Variants in BANP observed in about 807,000 individuals in gnomAD.
BANP encodes the protein BTG3 associated nuclear protein.
Under a neutral mutation model 68.1 loss-of-function variants are expected in BANP, and 11 were observed. The observed-to-expected ratio is 0.16, with a 90% CI of 0.10 to 0.27. The LOEUF is 0.27. BANP is among the 10% of genes least tolerant of loss of function. The pLI, the probability that BANP is intolerant of heterozygous loss-of-function variation, is 1.00. For missense variants in BANP, 504 were observed against 722.7 expected (o/e 0.70, Z 3.47); for synonymous variants, 329 against 303.2 (o/e 1.09, Z -0.88).
chr16:88,019,544 G>A (rs1161106313), intron 7 of BANP, among the ~76,000 whole-genome samples: 7 of 142,240 alleles, frequency 4.9e-5, no homozygotes, highest in African/African-American at 1.8e-4. Flanking sequence ...CATGCCGGGG[G>A]CGTCCGGGAT....
intron 1 of BANP, among the ~76,000 whole-genome samples, chr16:87,965,932 A>C (rs933629837): frequency 6.6e-6 from 1 of 152,074 alleles, no homozygotes; most frequent in Non-Finnish European, 1.5e-5. Flanking sequence ...GTGCAGTTGG[A>C]GCGTCCCTGC....
chr16:87,954,609 C>T (rs1480237642), intron 1 of BANP, among the ~76,000 whole-genome samples: 2 of 152,206 alleles, frequency 1.3e-5, no homozygotes, highest in Non-Finnish European at 2.9e-5. Flanking sequence ...AGGAAGGCCC[C>T]TTTGCTGGCC....
chr16:88,060,175 G>A lies in BANP; in HGVS notation c.1312-5092G>A, dbSNP rs1311446929. Among the ~76,000 whole-genome samples the A allele has an allele frequency of 6.6e-5, 10 of 152,270 alleles. No homozygotes were observed. In the South Asian group the frequency reaches 1.4e-3, roughly 22 times the overall value. ...CACCAGCACATAGCAACCACCTGTC[G>A]GCACGAGTGGCAAGGCCGTATGTTT... On this transcript the variant is annotated intron_variant, in intron 11 of 13. Coordinates refer to ENST00000682872, the MANE Select transcript of BANP (RefSeq NM_001386991.1).
At position 88,076,680 on chromosome 16, in the gene BANP, G is replaced by C. The variant is rs748935001; in HGVS notation, c.*19G>C. 6.3e-7 allele frequency: 1 copy of C among 1,599,510 alleles called. No individual in the cohort carries two copies. Among genetic ancestry groups the C allele is most frequent in the Admixed American group, 1.7e-5 (1 of 59,612 alleles). On this transcript the variant is annotated 3_prime_UTR_variant, in exon 14 of 14. Transcript: ENST00000682872. ...TCAGTGAGCGGTGCCCATGGCACCAGGAGCCCCTCGCCGGCTCCGCCTACG... is the reference window on the plus strand; with the variant it reads ...TCAGTGAGCGGTGCCCATGGCACCACGAGCCCCTCGCCGGCTCCGCCTACG...
rs1165901394 is a variant in BANP at position 87,968,495 on chromosome 16, A to AAAG, written c.-68-6551_-68-6550insGAA. 2.6e-5 allele frequency among the ~76,000 whole-genome samples: 4 copies of AAAG among 151,762 alleles called. 1 individual carries two copies. Among genetic ancestry groups the AAAG allele is most frequent in the African/African-American group, 9.7e-5 (4 of 41,266 alleles). On this transcript the variant is annotated intron_variant, in intron 1 of 13. Coordinates refer to ENST00000682872, the MANE Select transcript of BANP (RefSeq NM_001386991.1). ...GTGAAACTCTGTCTCAAAAAAAAAA[A>AAAG]AAATAAGTTTAGTTTATCCCTTTAA...
rs72818554 is a variant in BANP at position 88,057,649 on chromosome 16, A to C, written c.1312-7618A>C. Among the ~76,000 whole-genome samples the C allele has an allele frequency of 6.6e-6, 1 of 150,618 alleles. No individual in the cohort carries two copies. The highest frequency in any genetic ancestry group is 1.5e-5 in the Non-Finnish European group (1 of 67,788). On this transcript the variant is annotated intron_variant, in intron 11 of 13. Coordinates refer to ENST00000682872, the MANE Select transcript of BANP (RefSeq NM_001386991.1). The surrounding 1 kb of genome is among the most constrained non-coding windows in gnomAD (Gnocchi z 4.6). ...GTTCTTCACACCCTTCATGTTGGCA[A>C]TGTTTGGGTCCTGGTTCTTACATCC...
At chr16:87,983,913 C>T (rs3815818) in intron 3 of BANP, 147 bp from the exon 4 acceptor site, 25 of 1,267,328 alleles carry the variant, frequency 2.0e-5, no homozygotes, top group East Asian at 2.6e-5. Flanking sequence ...GTTTCTGGCT[C>T]ATAGCTCACG....
In BANP at chr16:88,071,762, T is replaced by C; in HGVS notation, c.1378-307T>C. 1 of 614,160 alleles carries C rather than the reference T, an allele frequency of 1.6e-6. No homozygotes were observed. Among genetic ancestry groups the C allele is most frequent in the Non-Finnish European group, 3.0e-6 (1 of 328,160 alleles). 38.0% of individuals were successfully genotyped at this position (614,160 alleles called of 1,614,324 possible). On this transcript the variant is annotated intron_variant, in intron 12 of 13. Transcript: ENST00000682872. This position sits in a 1 kb window ranked among gnomAD's most constrained non-coding sequence, Gnocchi z 6.5. ...GGCTCTGTGGCATTTGCTGTTGCTC[T>C]CTTTTTCTGTGGAAGCTCTGCCTTG...
rs143709693 is a variant in BANP, at chr16:87,984,321, C to T, written c.362+62C>T. ...CTTGGGGAGAAGCGCGTCACCTCCT[C>T]GCCCAGGCCCGCAGCTTAGTGGCTC... On this transcript the variant is annotated intron_variant, in intron 4 of 13. Coordinates refer to ENST00000682872, the MANE Select transcript of BANP (RefSeq NM_001386991.1). The T allele has an allele frequency of 1.6e-3, 2,221 of 1,387,238 alleles. 27 individuals carry two copies. The African/African-American group carries it at 0.027, about 17-fold the overall frequency. 85.9% of individuals were successfully genotyped at this position (1,387,238 alleles called of 1,614,324 possible). A position where few individuals can be genotyped will look rare whatever the true frequency, so the allele number is the denominator to read the frequency against.
intron 4 of BANP, among the ~76,000 whole-genome samples, chr16:87,991,796 T>A (rs536975114): frequency 9.3e-4 from 142 of 152,364 alleles, no homozygotes; most frequent in South Asian, 2.1e-3. Context: ...AGGATTTTTT[T>A]AAAATATGCA....
rs139396348 is a variant in BANP, at chr16:88,065,634, A to C, written c.1377+302A>C. On this transcript the variant is annotated intron_variant, in intron 12 of 13. Transcript: ENST00000682872. ...AAGACACAACAGGAACGGGGGAAGA[A>C]TTTCTCGCCATCTTTTGTTCAGAAA... Among the ~76,000 whole-genome samples, 516 of 152,244 alleles carry C rather than the reference A, an allele frequency of 3.4e-3. 4 individuals carry two copies. Among genetic ancestry groups the C allele is most frequent in the African/African-American group, 0.012 (493 of 41,564 alleles).
chr16:87,956,313 TTGAA>T (rs2058043995), intron 1 of BANP, among the ~76,000 whole-genome samples: 1 of 152,268 alleles, frequency 6.6e-6, no homozygotes, highest in South Asian at 2.1e-4. Flanking sequence ...ATTTGAGGGT[TTGAA>T]TGAGAATGAG....
At chr16:88,039,971 A>G (rs920599022) in intron 11 of BANP, among the ~76,000 whole-genome samples, 8 of 152,212 alleles carry the variant, frequency 5.3e-5, no homozygotes, top group Non-Finnish European at 1.2e-4. Flanking sequence ...TTTTATGTGA[A>G]ACAAATAATA....
intron 1 of BANP, among the ~76,000 whole-genome samples, chr16:87,961,269 C>T (rs2059069932): frequency 6.6e-6 from 1 of 152,212 alleles, no homozygotes; most frequent in Non-Finnish European, 1.5e-5. Context: ...TCTGAAGAGC[C>T]TATTAAGATA....
chr16:88,005,515 C>T (rs778339728), intron 5 of BANP, among the ~76,000 whole-genome samples: 5 of 152,160 alleles, frequency 3.3e-5, no homozygotes, highest in Non-Finnish European at 7.3e-5. Context: ...GAGGTGGCCT[C>T]GCCCTGCTTT....
chr16:87,978,793 G>C (rs1598027147), intron 2 of BANP: 1 of 376,716 alleles, frequency 2.7e-6, no homozygotes, highest in African/African-American at 2.1e-5. Flanking sequence ...CTAAGTGATA[G>C]AACCCCAACC....
intron 13 of BANP, among the ~76,000 whole-genome samples, chr16:88,073,069 C>T (rs73235263): frequency 6.6e-6 from 1 of 152,232 alleles, no homozygotes; most frequent in Non-Finnish European, 1.5e-5. Flanking sequence ...GTCTGAGCAG[C>T]CTTTCCCTGC....
Position 87,957,183 on chromosome 16 carries a change from G to A in BANP, c.-69+5668G>A, listed in dbSNP as rs1203017841. On this transcript the variant is annotated intron_variant, in intron 1 of 13. Transcript: ENST00000682872. The surrounding 1 kb of genome is among the most constrained non-coding windows in gnomAD (Gnocchi z 4.3). Reference sequence around the variant, plus strand: ...AGACTCCACGACTCGCTGCTCCCATGGGAGGTGTCTCTCTGGGGAAGGGGT... The same window carrying A: ...AGACTCCACGACTCGCTGCTCCCATAGGAGGTGTCTCTCTGGGGAAGGGGT... The A allele has an allele frequency of 6.6e-6, 1 of 152,274 alleles. No homozygotes were observed. Among genetic ancestry groups the A allele is most frequent in the Admixed American group, 6.5e-5 (1 of 15,280 alleles). 9.4% of individuals were successfully genotyped at this position (152,274 alleles called of 1,614,324 possible). A position where few individuals can be genotyped will look rare whatever the true frequency, so the allele number is the denominator to read the frequency against.
At chr16:87,992,702 G>A (rs945915332) in intron 4 of BANP, among the ~76,000 whole-genome samples, 5 of 151,540 alleles carry the variant, frequency 3.3e-5, no homozygotes, top group African/African-American at 1.2e-4. Context: ...GTTGGGGCAG[G>A]AGAATCACTT....
Sources: allele counts gnomAD v4.1 joint callset (sites outside exome capture counted in the v4.1 genomes callset), GRCh38; gene constraint gnomAD v4.1.1; non-coding constraint Gnocchi (gnomAD v3.1); transcripts MANE v1.5; gene names NCBI Gene and HGNC (gene_info 2026-07-23, HGNC 2026-07-21).